The following CNIH3 variants were observed in gnomAD, a reference collection of about 807,000 sequenced individuals.
CNIH3 encodes the protein cornichon family AMPA receptor auxiliary protein 3, also known as protein cornichon homolog 3.
In CNIH3, 14 loss-of-function variants were observed where a neutral mutation model predicts 24.1. That is an observed-to-expected ratio of 0.58 (90% CI 0.38 to 0.91). The LOEUF (loss-of-function observed/expected upper bound fraction) is 0.91, where lower values mean the gene tolerates loss of function less well. CNIH3 is among the 40% of genes least tolerant of loss of function. CNIH3 has a pLI of 0.00. For synonymous variants in CNIH3, 68 were observed against 73.8 expected, an observed-to-expected ratio of 0.92 and a Z score of 0.40; for missense variants, 178 against 196.8, an observed-to-expected ratio of 0.90 and a Z score of 0.57.
intron 4 of CNIH3, among the ~76,000 whole-genome samples, chr1:224,732,482 T>C (rs1205172501): frequency 6.6e-6 from 1 of 152,042 alleles, no homozygotes; most frequent in Non-Finnish European, 1.5e-5. Context: ...TGGGTTTCAT[T>C]TTCTGTGTTT....
chr1:224,653,075 A>G (rs1346171807), intron 1 of CNIH3, among the ~76,000 whole-genome samples: 1 of 152,258 alleles, frequency 6.6e-6, no homozygotes, highest in Non-Finnish European at 1.5e-5. Flanking sequence ...ATTATTAATT[A>G]TTCTACATAT....
chr1:224,643,529 G>C lies in CNIH3; in HGVS notation c.81+26274G>C, dbSNP rs966631695. Among the ~76,000 whole-genome samples, 8 of 152,318 alleles carry C rather than the reference G, an allele frequency of 5.3e-5. No homozygotes were observed. In the East Asian group the frequency reaches 1.4e-3, roughly 26 times the overall value. On this transcript the variant is annotated intron_variant, in intron 1 of 5. Coordinates refer to ENST00000272133, the MANE Select transcript of CNIH3 (RefSeq NM_152495.2). ...AGGCAAGGCCTGACGTGGTGGGTCT[G>C]GTGTGTGAGGAGAGAGCCTGCCTTC...
intron 1 of CNIH3, among the ~76,000 whole-genome samples, chr1:224,486,074 G>A (rs1558100151): frequency 6.6e-6 from 1 of 151,942 alleles, no homozygotes; most frequent in East Asian, 1.9e-4. Context: ...ATTTCCAGGG[G>A]TTACCACAGG....
At chr1:224,670,876 T>G (rs1250760943) in intron 1 of CNIH3, among the ~76,000 whole-genome samples, 1 of 152,240 alleles carries the variant, frequency 6.6e-6, no homozygotes, top group Non-Finnish European at 1.5e-5. Flanking sequence ...TCTAGATATG[T>G]GGCCAAACGT....
intron 1 of CNIH3, among the ~76,000 whole-genome samples, chr1:224,617,812 G>A (rs1380886274): frequency 6.6e-6 from 1 of 152,124 alleles, no homozygotes; most frequent in East Asian, 1.9e-4. Flanking sequence ...AGGCGAGAAG[G>A]AGAAGAGCAA....
At chr1:224,616,096 G>A (rs575546782), upstream of CNIH3, 3 of 155,308 alleles carry the variant, frequency 1.9e-5, no homozygotes, top group East Asian at 1.9e-4. Context: ...CTCCAGCCCT[G>A]CTTGTACTGC....
intron 1 of CNIH3, among the ~76,000 whole-genome samples, chr1:224,452,809 C>T (rs564632721): frequency 5.3e-4 from 71 of 134,752 alleles, no homozygotes; most frequent in African/African-American, 1.6e-3. Flanking sequence ...AAAAGGGTTT[C>T]AGGGCCAAAA....
chr1:224,452,706 T>C lies in CNIH3; in HGVS notation n.203+17844T>C, dbSNP rs552696580. ...CTGAGGCAGGAGAATGGCATGAACC[T>C]GGGAGGCAGAGCTTGCAGTGAGCCG... On this transcript the variant is annotated intron_variant and non_coding_transcript_variant, in intron 1 of 5. Transcript: ENST00000471578. Among the ~76,000 whole-genome samples the C allele has an allele frequency of 6.1e-4, 77 of 125,956 alleles. 2 individuals carry two copies. In the East Asian group the frequency reaches 0.011, roughly 18 times the overall value. 82.6% of individuals were successfully genotyped at this position (125,956 alleles called of 152,430 possible).
At chr1:224,464,766 C>T (rs1202822434) in intron 1 of CNIH3, among the ~76,000 whole-genome samples, 1 of 152,058 alleles carries the variant, frequency 6.6e-6, no homozygotes, top group Non-Finnish European at 1.5e-5. Flanking sequence ...AGTCTTCCAG[C>T]TGTATTCTTC....
intron 1 of CNIH3, among the ~76,000 whole-genome samples, chr1:224,663,093 C>T (rs1685437623): frequency 2.6e-5 from 4 of 152,162 alleles, no homozygotes; most frequent in Admixed American, 2.6e-4. Context: ...TCAGTCCTGA[C>T]ACTTTTTAGA....
intron 3 of CNIH3, among the ~76,000 whole-genome samples, chr1:224,696,304 C>G (rs770117128): frequency 2.6e-5 from 4 of 152,180 alleles, no homozygotes; most frequent in African/African-American, 9.7e-5. Flanking sequence ...ACCCAGAAGT[C>G]ACACACACCA....
At chr1:224,492,640 G>T (rs1006993449) in intron 1 of CNIH3, among the ~76,000 whole-genome samples, 1 of 152,076 alleles carries the variant, frequency 6.6e-6, no homozygotes. Context: ...TATATACAAA[G>T]AATTTTAATA....
At chr1:224,467,097 C>G (rs372688146) in intron 1 of CNIH3, among the ~76,000 whole-genome samples, 1 of 152,172 alleles carries the variant, frequency 6.6e-6, no homozygotes, top group Non-Finnish European at 1.5e-5. Context: ...GTGATCATGG[C>G]TCATTGCAGC....
intron 2 of CNIH3, among the ~76,000 whole-genome samples, chr1:224,525,073 A>C (rs541208659): frequency 9.2e-5 from 14 of 152,192 alleles, no homozygotes; most frequent in Non-Finnish European, 1.8e-4. Flanking sequence ...AGAGAGACCA[A>C]GTTTGATGTT....
At chr1:224,733,445 G>T (rs1197417332) in intron 4 of CNIH3, among the ~76,000 whole-genome samples, 1 of 152,192 alleles carries the variant, frequency 6.6e-6, no homozygotes, top group African/African-American at 2.4e-5. Flanking sequence ...GGCCTGGAGG[G>T]CTGTGAGCTG....
chr1:224,676,643 G>A (rs1686153056), intron 1 of CNIH3, among the ~76,000 whole-genome samples: 1 of 152,192 alleles, frequency 6.6e-6, no homozygotes, highest in Non-Finnish European at 1.5e-5. Context: ...CACACACGGA[G>A]GCTGGTCTGT....
chr1:224,688,774 A>AC lies in CNIH3; in HGVS notation c.198+3931_198+3932insC, dbSNP rs1183646629. On this transcript the variant is annotated intron_variant, in intron 3 of 5. Transcript: ENST00000272133. ...TGGCCAACATGGTGAAACCCCCACA[A>AC]ATTAGTCGGGCGTGGTGGTGGGCGC... Among the ~76,000 whole-genome samples the AC allele has an allele frequency of 2.1e-3, 317 of 151,842 alleles. 1 individual carries two copies. Among genetic ancestry groups the AC allele is most frequent in the African/African-American group, 7.2e-3 (298 of 41,404 alleles).
rs76524154 is a variant in CNIH3, at chr1:224,658,915, C to T, written c.82-22043C>T. On this transcript the variant is annotated intron_variant, in intron 1 of 5. Coordinates refer to ENST00000272133, the MANE Select transcript of CNIH3 (RefSeq NM_152495.2). ...TTAATCAATTTGACGTTTACATAAA[C>T]CTTTCATAACCTTTTATAATTTTCT... is the stretch of plus-strand genomic sequence containing the variant. 2.9e-3 allele frequency among the ~76,000 whole-genome samples: 434 copies of T among 152,272 alleles called. 8 individuals carry two copies. The East Asian group carries it at 0.03, about 10-fold the overall frequency.
chr1:224,730,636 T>A, intron 4 of CNIH3, 62 bp downstream of exon 4: 2 of 979,518 alleles, frequency 2.0e-6, no homozygotes, highest in Non-Finnish European at 1.6e-6. Context: ...TGCTCTCCAG[T>A]GATGATGTCA....
Sources: allele counts gnomAD v4.1 joint callset (sites outside exome capture counted in the v4.1 genomes callset), GRCh38; gene constraint gnomAD v4.1.1; transcripts MANE v1.5; gene names NCBI Gene and HGNC (gene_info 2026-07-23, HGNC 2026-07-21).